The following TRPM3 variants were observed in gnomAD, a reference collection of about 807,000 sequenced individuals.
TRPM3 encodes long transient receptor potential channel 3.
TRPM3 carries 77 observed loss-of-function variants against 181.2 expected under a neutral mutation model. The observed-to-expected ratio is 0.42, with a 90% confidence interval of 0.35 to 0.51. The LOEUF is 0.51. Among genes scored for constraint, TRPM3 ranks in the 20% least tolerant of loss-of-function variants. The probability of loss-of-function intolerance (pLI) is 0.01; values close to 1 mark genes in which losing one functional copy is unlikely to be tolerated. For synonymous variants in TRPM3, 745 were observed against 796.4 expected (o/e 0.94, Z 1.09); for missense variants, 1,759 against 2,196.7 (o/e 0.80, Z 3.98).
At chr9:70,560,421 C>T (rs1046900055) in intron 22 of TRPM3, among the ~76,000 whole-genome samples, 1 of 152,194 alleles carries the variant, frequency 6.6e-6, no homozygotes, top group Admixed American at 6.6e-5. Context: ...GGCCACCTAC[C>T]GCAGGCTTAA....
chr9:70,627,219 A>G (rs1043222897), intron 12 of TRPM3, among the ~76,000 whole-genome samples: 5 of 146,074 alleles, frequency 3.4e-5, no homozygotes, highest in Non-Finnish European at 6.0e-5. Flanking sequence ...GAACAAATAG[A>G]TAGTAATTGA....
intron 1 of TRPM3, among the ~76,000 whole-genome samples, chr9:71,006,681 C>A (rs1004351574): frequency 2.6e-5 from 4 of 151,954 alleles, no homozygotes; most frequent in Admixed American, 2.0e-4. Flanking sequence ...ACCAGCCTGA[C>A]CAACATGGAG....
chr9:70,604,793 C>T (rs114266840), intron 19 of TRPM3, among the ~76,000 whole-genome samples: 2,691 of 151,846 alleles, frequency 0.018, 77 homozygotes, highest in African/African-American at 0.061. Context: ...ATAACAGGCA[C>T]GTGCCACCAC....
At chr9:70,898,747 CAAAAAAAAAAAAAAA>C (rs34952516) in intron 1 of TRPM3, among the ~76,000 whole-genome samples, 1 of 93,356 alleles carries the variant, frequency 1.1e-5, no homozygotes, top group South Asian at 3.8e-4. Context: ...GACTTCATCT[CAAAAAAAAAAAAAAA>C]AAAAGAAAAG....
At chr9:71,195,632 G>C (rs1399336793) in intron 1 of TRPM3, among the ~76,000 whole-genome samples, 1 of 151,856 alleles carries the variant, frequency 6.6e-6, no homozygotes, top group Non-Finnish European at 1.5e-5. Flanking sequence ...AATATAAATT[G>C]TTCTATCATA....
chr9:71,315,332 T>C (rs1047954656), intron 1 of TRPM3, among the ~76,000 whole-genome samples: 6 of 152,178 alleles, frequency 3.9e-5, no homozygotes, highest in Admixed American at 1.3e-4. Context: ...AGTGATTCTA[T>C]TGCATAATTC....
chr9:70,684,881 T>C (rs1489889601), intron 8 of TRPM3, among the ~76,000 whole-genome samples: 1 of 152,240 alleles, frequency 6.6e-6, no homozygotes, highest in African/African-American at 2.4e-5. Context: ...AGAGTTACGC[T>C]AACCTTCTGA....
chr9:71,318,723 A>T (rs988067339), intron 1 of TRPM3, among the ~76,000 whole-genome samples: 3 of 152,154 alleles, frequency 2.0e-5, no homozygotes, highest in African/African-American at 7.2e-5. Context: ...TTTAAAATTA[A>T]TTTTTTCTTC....
At chr9:70,934,171 GATA>G (rs2096801784) in intron 1 of TRPM3, among the ~76,000 whole-genome samples, 1 of 152,128 alleles carries the variant, frequency 6.6e-6, no homozygotes. Context: ...ATGAATGGCT[GATA>G]ATAATTTAAG....
At chr9:70,676,439 G>C (rs1384892458) in intron 9 of TRPM3, among the ~76,000 whole-genome samples, 1 of 152,150 alleles carries the variant, frequency 6.6e-6, no homozygotes, top group African/African-American at 2.4e-5. Flanking sequence ...CGGTTTTGGA[G>C]CCTGGAGCAA....
At chr9:71,378,931 T>C (rs1362467070) in intron 1 of TRPM3, among the ~76,000 whole-genome samples, 1 of 152,016 alleles carries the variant, frequency 6.6e-6, no homozygotes, top group Non-Finnish European at 1.5e-5. Flanking sequence ...GTCTTCCTAC[T>C]TCAATGTCTA....
chr9:71,309,411 G>T (rs919563769), intron 1 of TRPM3, among the ~76,000 whole-genome samples: 1 of 152,066 alleles, frequency 6.6e-6, no homozygotes, highest in Non-Finnish European at 1.5e-5. Context: ...GATATTTAAT[G>T]CAGGCAAAAT....
intron 1 of TRPM3, among the ~76,000 whole-genome samples, chr9:70,941,111 T>C (rs908887689): frequency 6.6e-6 from 1 of 152,184 alleles, no homozygotes; most frequent in African/African-American, 2.4e-5. Flanking sequence ...ATGCAAAGTA[T>C]TGTTCCAGGG....
intron 1 of TRPM3, among the ~76,000 whole-genome samples, chr9:71,368,034 G>C (rs1379238807): frequency 6.6e-6 from 1 of 151,874 alleles, no homozygotes; most frequent in Non-Finnish European, 1.5e-5. Flanking sequence ...ACACATATGA[G>C]TATGTGTACA....
chr9:71,371,994 C>G (rs1252811563), intron 1 of TRPM3, among the ~76,000 whole-genome samples: 1 of 152,132 alleles, frequency 6.6e-6, no homozygotes, highest in Non-Finnish European at 1.5e-5. Context: ...ATCCCCCCCA[C>G]AGGTGCCCAG....
chr9:71,212,675 C>T (rs1434910329), intron 1 of TRPM3, among the ~76,000 whole-genome samples: 1 of 152,134 alleles, frequency 6.6e-6, no homozygotes, highest in Non-Finnish European at 1.5e-5. Flanking sequence ...CAAGATAAAA[C>T]TTTGGGAGTC....
At chr9:70,819,817 C>T (rs72729721) in intron 6 of TRPM3, among the ~76,000 whole-genome samples, 3 of 152,252 alleles carry the variant, frequency 2.0e-5, no homozygotes, top group Non-Finnish European at 4.4e-5. Flanking sequence ...ACAATATAAT[C>T]AGATGTGCAA....
intron 8 of TRPM3, among the ~76,000 whole-genome samples, chr9:70,683,555 T>C (rs2066030766): frequency 1.3e-5 from 2 of 150,060 alleles, no homozygotes; most frequent in African/African-American, 4.9e-5. Context: ...CCACCATGTA[T>C]GGCCCTGATC....
intron 1 of TRPM3, among the ~76,000 whole-genome samples, chr9:71,271,616 AAAG>A (rs1283597252): frequency 3.3e-5 from 5 of 151,786 alleles, no homozygotes; most frequent in South Asian, 4.2e-4. Flanking sequence ...ACCTTCAGCA[AAAG>A]AAGAAGAAGA....
Sources: gnomAD v4.1 joint callset for allele counts (sites outside exome capture counted in the v4.1 genomes callset) on GRCh38, gnomAD v4.1.1 for gene constraint, MANE v1.5 for transcripts, NCBI Gene and HGNC (gene_info 2026-07-23, HGNC 2026-07-21) for gene names.